The following FRMD4A variants were observed in gnomAD, a reference collection of about 807,000 sequenced individuals.
The protein encoded by FRMD4A is FERM domain containing 4A.
In FRMD4A, 29 loss-of-function variants were observed where a neutral mutation model predicts 129.1. The observed-to-expected ratio is 0.22, with a 90% CI of 0.17 to 0.31. The LOEUF is 0.31. FRMD4A is among the 10% of genes least tolerant of loss of function. The pLI, the probability that FRMD4A is intolerant of heterozygous loss-of-function variation, is 1.00. For missense variants in FRMD4A, 1,272 were observed against 1,375.8 expected (o/e 0.92, Z 1.19); for synonymous variants, 634 against 571.6 (o/e 1.11, Z -1.56).
rs2094855305 is a variant in FRMD4A, at chr10:13,904,301, G to A, written c.46-45389C>T. Among the ~76,000 whole-genome samples, 7 of 152,118 alleles carry A rather than the reference G, an allele frequency of 4.6e-5. No homozygotes were observed. In the South Asian group the frequency reaches 1.4e-3, roughly 31 times the overall value. The stretch of plus-strand genomic sequence containing the variant: ...CTTCTTGCCTTCTTGCTTTCGCACG[G>A]CCGTACATCTGCGCGGAAAACCCTC... On this transcript the variant is annotated intron_variant, in intron 2 of 24. Coordinates refer to ENST00000357447, the MANE Select transcript of FRMD4A (RefSeq NM_018027.5).
At chr10:13,745,552 G>C (rs1241391923) in intron 9 of FRMD4A, among the ~76,000 whole-genome samples, 1 of 152,220 alleles carries the variant, frequency 6.6e-6, no homozygotes, top group Non-Finnish European at 1.5e-5. Flanking sequence ...AAGAGACAGA[G>C]AGAGTGTGTG....
chr10:13,715,385 C>T (rs1443357787), intron 12 of FRMD4A, among the ~76,000 whole-genome samples: 1 of 152,156 alleles, frequency 6.6e-6, no homozygotes, highest in Non-Finnish European at 1.5e-5. Context: ...TTAAACATTT[C>T]CTACCGATGG....
At chr10:14,268,088 C>A (rs1255137872) in intron 2 of FRMD4A, among the ~76,000 whole-genome samples, 1 of 152,032 alleles carries the variant, frequency 6.6e-6, no homozygotes, top group African/African-American at 2.4e-5. Flanking sequence ...GGAACATGAT[C>A]AAAAGAGTGT....
Position 13,644,517 on chromosome 10 carries a change from A to C in FRMD4A, c.*2521T>G, listed in dbSNP as rs1161959706. ...GTTGGAACTGTAATTCCTGCTCTCCATTTCTCTCTGTCCCCCAAGTTGAAA... is the reference window on the plus strand; with the variant it reads ...GTTGGAACTGTAATTCCTGCTCTCCCTTTCTCTCTGTCCCCCAAGTTGAAA... On this transcript the variant is annotated 3_prime_UTR_variant, in exon 25 of 25. Transcript: ENST00000357447. 1 of 152,104 alleles carries C rather than the reference A, an allele frequency of 6.6e-6. No individual in the cohort carries two copies. Among genetic ancestry groups the C allele is most frequent in the Non-Finnish European group, 1.5e-5 (1 of 68,024 alleles). The allele number at this position is 152,104 out of a possible 1,614,324, so 9.4% of individuals were successfully genotyped here. A position where few individuals can be genotyped will look rare whatever the true frequency, so the allele number is the denominator to read the frequency against.
intron 12 of FRMD4A, among the ~76,000 whole-genome samples, chr10:13,714,826 T>A (rs2088616019): frequency 6.6e-6 from 1 of 151,076 alleles, no homozygotes; most frequent in Admixed American, 6.6e-5. Flanking sequence ...CATCGTGAGG[T>A]CAGAAGTTCA....
At chr10:14,016,134 GA>G (rs1349426453) in intron 2 of FRMD4A, among the ~76,000 whole-genome samples, 2 of 152,248 alleles carry the variant, frequency 1.3e-5, no homozygotes, top group Non-Finnish European at 2.9e-5. Flanking sequence ...GTCTGCATGT[GA>G]AAATGTCATC....
intron 2 of FRMD4A, among the ~76,000 whole-genome samples, chr10:14,215,759 C>T (rs1330233972): frequency 6.6e-6 from 1 of 152,118 alleles, no homozygotes; most frequent in Non-Finnish European, 1.5e-5. Context: ...TCTACATTAA[C>T]TAATCAGTCA....
At chr10:14,134,594 G>C (rs1839437659) in intron 2 of FRMD4A, among the ~76,000 whole-genome samples, 1 of 151,854 alleles carries the variant, frequency 6.6e-6, no homozygotes, top group Non-Finnish European at 1.5e-5. Flanking sequence ...ATGGATGGAT[G>C]GGTAGATGGA....
intron 2 of FRMD4A, among the ~76,000 whole-genome samples, chr10:14,185,044 T>G (rs994798797): frequency 6.6e-6 from 1 of 152,204 alleles, no homozygotes; most frequent in African/African-American, 2.4e-5. Flanking sequence ...TCTAGGTCCC[T>G]GGGCCTTGAT....
intron 2 of FRMD4A, among the ~76,000 whole-genome samples, chr10:14,066,216 T>G (rs1334007474): frequency 1.3e-5 from 2 of 151,860 alleles, no homozygotes; most frequent in African/African-American, 4.8e-5. Context: ...CACCTTAGTA[T>G]GTAGAGCTGC....
At chr10:14,256,013 A>T (rs1844603564) in intron 2 of FRMD4A, among the ~76,000 whole-genome samples, 1 of 152,022 alleles carries the variant, frequency 6.6e-6, no homozygotes, top group Admixed American at 6.6e-5. Flanking sequence ...CTCAAAAAAA[A>T]AAAAAAAAAA....
intron 2 of FRMD4A, among the ~76,000 whole-genome samples, chr10:13,994,785 C>T (rs1246963933): frequency 2.6e-5 from 4 of 152,128 alleles, no homozygotes; most frequent in South Asian, 2.1e-4. Flanking sequence ...CCAGGAACAC[C>T]GGCCCTGGTT....
intron 2 of FRMD4A, among the ~76,000 whole-genome samples, chr10:14,300,617 G>A (rs1755153): frequency 0.52 from 79,501 of 151,988 alleles, 21,748 homozygotes; most frequent in African/African-American, 0.69. Flanking sequence ...TGTATAATCT[G>A]AATGAGGAAG....
rs17154516 is a variant in FRMD4A at position 14,049,964 on chromosome 10, T to C, written c.46-191052A>G. On this transcript the variant is annotated intron_variant, in intron 2 of 24. Transcript: ENST00000357447. ...TTGCCGCACTTCCGTCTAGTTCATA[T>C]TCTCACGTCGACAATATTTACTGAG... 8.7e-3 allele frequency among the ~76,000 whole-genome samples: 1,333 copies of C among 152,348 alleles called. 65 individuals are homozygous for C. The East Asian group carries it at 0.13, about 15-fold the overall frequency.
intron 2 of FRMD4A, chr10:13,890,679 T>C: frequency 2.0e-6 from 2 of 985,222 alleles, no homozygotes; most frequent in Non-Finnish European, 2.4e-6. Context: ...AGTAGCAGCG[T>C]CTCCACTGGG....
At chr10:14,286,005 C>G (rs1336150789) in intron 2 of FRMD4A, among the ~76,000 whole-genome samples, 1 of 152,234 alleles carries the variant, frequency 6.6e-6, no homozygotes. Flanking sequence ...GAAAGAACTT[C>G]TGAGTTCCCA....
At chr10:13,701,636 T>C (rs552113957) in intron 13 of FRMD4A, among the ~76,000 whole-genome samples, 158 bp from the exon 14 acceptor site, 1 of 152,190 alleles carries the variant, frequency 6.6e-6, no homozygotes, top group African/African-American at 2.4e-5. Context: ...CACACACACA[T>C]GCGCACACAG....
At chr10:13,764,150 G>A (rs2092185038) in intron 6 of FRMD4A, among the ~76,000 whole-genome samples, 1 of 150,922 alleles carries the variant, frequency 6.6e-6, no homozygotes. Context: ...CCACAACCAA[G>A]GTAATAAACA....
intron 9 of FRMD4A, 41 bp downstream of exon 9, chr10:13,747,695 C>G: frequency 9.2e-7 from 1 of 1,088,366 alleles, no homozygotes. Context: ...CCTCGCACCC[C>G]GAGAGGGACT....
Sources: allele counts gnomAD v4.1 joint callset (sites outside exome capture counted in the v4.1 genomes callset), GRCh38; gene constraint gnomAD v4.1.1; transcripts MANE v1.5; gene names NCBI Gene and HGNC (gene_info 2026-07-23, HGNC 2026-07-21).